Variants in NMNAT2 observed in about 807,000 individuals in gnomAD.
The protein encoded by NMNAT2 is nicotinamide nucleotide adenylyltransferase 2.
In NMNAT2, 11 loss-of-function variants were observed where a neutral mutation model predicts 41.6. The observed-to-expected ratio is 0.26, with a 90% CI of 0.17 to 0.44. The LOEUF (loss-of-function observed/expected upper bound fraction) is 0.44. Among genes scored for constraint, NMNAT2 ranks in the 20% least tolerant of loss-of-function variants. NMNAT2 has a pLI of 1.00. For missense variants in NMNAT2, 288 were observed against 407.7 expected, an observed-to-expected ratio of 0.71 and a Z score of 2.53; for synonymous variants, 148 against 151.2, an observed-to-expected ratio of 0.98 and a Z score of 0.16.
intron 1 of NMNAT2, among the ~76,000 whole-genome samples, chr1:183,370,113 T>A (rs1375091830): frequency 6.6e-6 from 1 of 151,482 alleles, no homozygotes. Flanking sequence ...AGCAGAAGGG[T>A]GGCAAAGGGC....
chr1:183,267,118 TCTGTC>T (rs1208301543), intron 8 of NMNAT2: 1 of 163,448 alleles, frequency 6.1e-6, no homozygotes, highest in Non-Finnish European at 1.3e-5. Flanking sequence ...GGCTTGCCAA[TCTGTC>T]CTGTCCGCGA....
At chr1:183,334,090 T>C (rs2102340528) in intron 1 of NMNAT2, among the ~76,000 whole-genome samples, 1 of 152,286 alleles carries the variant, frequency 6.6e-6, no homozygotes, top group East Asian at 1.9e-4. Flanking sequence ...TTTGAGACGG[T>C]GTCTTGCTCT....
rs538013916 is a variant in NMNAT2 at position 183,322,217 on chromosome 1, C to T, written c.86-28424G>A. Among the ~76,000 whole-genome samples the T allele has an allele frequency of 2.0e-5, 3 of 152,310 alleles. No individual in the cohort carries two copies. The South Asian group carries it at 6.2e-4, about 32-fold the overall frequency. On this transcript the variant is annotated intron_variant, in intron 1 of 10. Coordinates refer to ENST00000287713, the MANE Select transcript of NMNAT2 (RefSeq NM_015039.4). ...TAAAGACTGAACAGACTTTCCTGAA[C>T]GTGACACCCCTCTGAGTCTGAATTA... is the stretch of plus-strand genomic sequence containing the variant.
intron 1 of NMNAT2, among the ~76,000 whole-genome samples, chr1:183,317,072 A>G (rs967274714): frequency 6.6e-6 from 1 of 152,224 alleles, no homozygotes; most frequent in Non-Finnish European, 1.5e-5. Flanking sequence ...CCCCAGAAGA[A>G]TGTCTCTAAA....
intron 10 of NMNAT2, among the ~76,000 whole-genome samples, chr1:183,258,330 A>G (rs1212976906): frequency 6.6e-6 from 1 of 152,202 alleles, no homozygotes; most frequent in Non-Finnish European, 1.5e-5. Context: ...ATCTCACTGG[A>G]GACCAGCTCA....
chr1:183,355,043 A>G (rs1342675433), intron 1 of NMNAT2, among the ~76,000 whole-genome samples: 1 of 152,178 alleles, frequency 6.6e-6, no homozygotes, highest in Non-Finnish European at 1.5e-5. Flanking sequence ...CAGGCCCTGA[A>G]TGGTCCATGC....
chr1:183,335,684 C>G (rs1477095925), intron 1 of NMNAT2, among the ~76,000 whole-genome samples: 1 of 152,224 alleles, frequency 6.6e-6, no homozygotes, highest in Non-Finnish European at 1.5e-5. Context: ...TGTGCTGCCA[C>G]ATTGCGCATA....
At chr1:183,330,490 G>T (rs1047363181) in intron 1 of NMNAT2, among the ~76,000 whole-genome samples, 1 of 152,074 alleles carries the variant, frequency 6.6e-6, no homozygotes, top group Non-Finnish European at 1.5e-5. Flanking sequence ...CTTCACCATG[G>T]TCCCTACCTA....
chr1:183,256,994 G>C (rs2105160), intron 10 of NMNAT2, among the ~76,000 whole-genome samples: 42,898 of 151,646 alleles, frequency 0.28, 7,563 homozygotes, highest in African/African-American at 0.49. Flanking sequence ...TCAAGTGATC[G>C]ATCTGCCTTG....
chr1:183,352,789 C>T (rs1663093045), intron 1 of NMNAT2, among the ~76,000 whole-genome samples: 1 of 152,156 alleles, frequency 6.6e-6, no homozygotes, highest in African/African-American at 2.4e-5. Context: ...GAAAAGGCCT[C>T]ACCTGGTTGA....
chr1:183,338,739 A>C (rs2811554), intron 1 of NMNAT2, among the ~76,000 whole-genome samples: 108,385 of 151,960 alleles, frequency 0.71, 38,798 homozygotes, highest in East Asian at 0.9. Context: ...TTATTATTAA[A>C]CCCGGGACAT....
At chr1:183,408,409 T>G (rs1649020276) in intron 1 of NMNAT2, among the ~76,000 whole-genome samples, 1 of 152,248 alleles carries the variant, frequency 6.6e-6, no homozygotes, top group Non-Finnish European at 1.5e-5. Flanking sequence ...TTATTGTTAT[T>G]TTACATTTTT....
chr1:183,313,203 G>T (rs959281100), intron 1 of NMNAT2, among the ~76,000 whole-genome samples: 4 of 151,730 alleles, frequency 2.6e-5, no homozygotes, highest in African/African-American at 9.7e-5. Flanking sequence ...ACCATTTCTT[G>T]TAAGGTTGTT....
chr1:183,362,040 G>A (rs931243578), intron 1 of NMNAT2, among the ~76,000 whole-genome samples: 2 of 152,184 alleles, frequency 1.3e-5, no homozygotes, highest in African/African-American at 2.4e-5. Flanking sequence ...TAAGGTTCAA[G>A]CGATTCTCCT....
intron 1 of NMNAT2, among the ~76,000 whole-genome samples, chr1:183,302,242 A>G (rs1661873313): frequency 6.6e-6 from 1 of 152,216 alleles, no homozygotes; most frequent in Non-Finnish European, 1.5e-5. Flanking sequence ...GACACAATTC[A>G]CATCTCCAAG....
chr1:183,269,047 G>A (rs750927197), intron 8 of NMNAT2, among the ~76,000 whole-genome samples: 31 of 152,308 alleles, frequency 2.0e-4, no homozygotes, highest in Non-Finnish European at 3.8e-4. Flanking sequence ...GCTAGCCTGG[G>A]TGATAGAGTG....
At chr1:183,348,273 C>A (rs777118088) in intron 1 of NMNAT2, among the ~76,000 whole-genome samples, 1 of 152,024 alleles carries the variant, frequency 6.6e-6, no homozygotes, top group Non-Finnish European at 1.5e-5. Flanking sequence ...TTAAGCTGTG[C>A]GTGCGTGCAC....
Position 183,377,138 on chromosome 1 carries a change from G to A in NMNAT2, c.85+41045C>T, listed in dbSNP as rs993953413. Among the ~76,000 whole-genome samples the A allele has an allele frequency of 2.6e-5, 4 of 152,138 alleles. No individual in the cohort carries two copies. The South Asian group carries it at 8.3e-4, about 31-fold the overall frequency. On this transcript the variant is annotated intron_variant, in intron 1 of 10. Transcript: ENST00000287713. ...TCACGAAAGCTGGGATAAGGGAATA[G>A]GGAGGAAAAGGAACTCTCTACCTGT... is the stretch of plus-strand genomic sequence containing the variant.
In NMNAT2 at chr1:183,261,062, A is replaced by C; in HGVS notation, c.761T>G (p.Ile254Ser). The C allele has an allele frequency of 6.2e-7, 1 of 1,613,978 alleles. No homozygotes were observed. Reference sequence around the variant, plus strand: ...GTTGATGTCATCCTTCACCACCATGATGTTGTTCTGAGGACAGAGCAGACA... The same window carrying C: ...GTTGATGTCATCCTTCACCACCATGCTGTTGTTCTGAGGACAGAGCAGACA... ...SSILRKYKNN[I>S]MVVKDDINHP... The change falls in exon 10 of 11, where the codon ATC (isoleucine) becomes AGC (serine). Residue 254 changes from isoleucine (I) to serine (S), a missense_variant. By Grantham distance (142) the Ile-to-Ser change is moderately radical (BLOSUM62 -2). Around this residue, in one of 3 missense-constraint regions of NMNAT2, gnomAD observed 181 missense variants for 213.7 expected, o/e 0.85. Coordinates refer to ENST00000287713, the MANE Select transcript of NMNAT2 (RefSeq NM_015039.4).
Sources: allele counts gnomAD v4.1 joint callset (sites outside exome capture counted in the v4.1 genomes callset), GRCh38; gene constraint gnomAD v4.1.1; regional missense constraint gnomAD v4.1.1; transcripts MANE v1.5; gene names NCBI Gene and HGNC (gene_info 2026-07-23, HGNC 2026-07-21).